RALGPS1: variants seen among roughly 807,000 people sequenced by gnomAD.
RALGPS1 encodes the protein ras-specific guanine nucleotide-releasing factor RalGPS1.
In RALGPS1, 19 loss-of-function variants were observed where a neutral mutation model predicts 78.8. That is an observed-to-expected ratio of 0.24 (90% confidence interval 0.17 to 0.35). The LOEUF is 0.35. RALGPS1 is among the 10% of genes least tolerant of loss of function. The pLI, the probability that RALGPS1 is intolerant of heterozygous loss-of-function variation, is 1.00. For synonymous variants in RALGPS1, 228 were observed against 256.3 expected (o/e 0.89, Z 1.06); for missense variants, 454 against 688.3 (o/e 0.66, Z 3.81).
intron 4 of RALGPS1, among the ~76,000 whole-genome samples, chr9:127,014,175 C>A (rs2044609620): frequency 1.3e-5 from 2 of 152,202 alleles, no homozygotes; most frequent in South Asian, 4.1e-4. Context: ...CATGGTCTTG[C>A]TTCCAGCCTT....
chr9:127,128,003 C>A (rs2056746580), intron 8 of RALGPS1, among the ~76,000 whole-genome samples: 1 of 151,876 alleles, frequency 6.6e-6, no homozygotes. Flanking sequence ...TTAGGTATTT[C>A]TCCTAATGCT....
intron 1 of RALGPS1, among the ~76,000 whole-genome samples, chr9:126,926,129 TG>T (rs1311516039): frequency 2.0e-5 from 3 of 152,266 alleles, no homozygotes; most frequent in Non-Finnish European, 4.4e-5. Context: ...ATATAGCAGT[TG>T]GCCTTATTTT....
chr9:127,003,291 C>T (rs1189837729), intron 4 of RALGPS1, among the ~76,000 whole-genome samples: 11 of 151,954 alleles, frequency 7.2e-5, no homozygotes, highest in Non-Finnish European at 1.3e-4. Flanking sequence ...AGAAAATTTT[C>T]GCAACCTACT....
At chr9:127,217,450 A>C in intron 18 of RALGPS1, 1 of 986,724 alleles carries the variant, frequency 1.0e-6, no homozygotes, top group Non-Finnish European at 1.2e-6. Context: ...ATTCACAAGG[A>C]AACATCGCAG....
intron 14 of RALGPS1, among the ~76,000 whole-genome samples, chr9:127,209,296 T>C (rs2062105954): frequency 1.3e-5 from 2 of 152,236 alleles, no homozygotes; most frequent in South Asian, 4.1e-4. Flanking sequence ...GTGCACTCAC[T>C]TGCGAGGTGC....
chr9:126,924,928 C>A (rs1046211520), intron 1 of RALGPS1, among the ~76,000 whole-genome samples: 2 of 152,034 alleles, frequency 1.3e-5, no homozygotes, highest in African/African-American at 4.8e-5. Context: ...GAGTTCAAGA[C>A]TAGCCTGACC....
intron 3 of RALGPS1, 96 bp downstream of exon 3, chr9:126,966,047 T>G: frequency 1.2e-6 from 1 of 861,368 alleles, no homozygotes; most frequent in Non-Finnish European, 2.0e-6. Flanking sequence ...GGAAACATTC[T>G]ATATGCCCAG....
intron 5 of RALGPS1, among the ~76,000 whole-genome samples, chr9:127,038,204 T>G (rs947156256): frequency 3.9e-4 from 59 of 152,202 alleles, no homozygotes; most frequent in African/African-American, 1.4e-3. Flanking sequence ...TTTAAAAACA[T>G]TTATTGAGCA....
chr9:127,157,258 T>C (rs1443769519), intron 8 of RALGPS1, among the ~76,000 whole-genome samples: 1 of 152,106 alleles, frequency 6.6e-6, no homozygotes, highest in Non-Finnish European at 1.5e-5. Context: ...CCTTGCAATG[T>C]TGTGTCTTCC....
intron 1 of RALGPS1, among the ~76,000 whole-genome samples, chr9:126,939,021 C>T (rs927708299): frequency 6.6e-6 from 1 of 152,158 alleles, no homozygotes; most frequent in Non-Finnish European, 1.5e-5. Flanking sequence ...ATCCACAAAT[C>T]TCTCCTTCCT....
At chr9:127,052,376 AG>A (rs2048366541) in intron 6 of RALGPS1, among the ~76,000 whole-genome samples, 1 of 152,362 alleles carries the variant, frequency 6.6e-6, no homozygotes, top group Admixed American at 6.5e-5. Context: ...TCTGGTTCAA[AG>A]GAACATGGTC....
intron 4 of RALGPS1, among the ~76,000 whole-genome samples, chr9:127,001,086 TACAAAACAAAACAAA>T (rs60748253): frequency 0.069 from 9,540 of 137,656 alleles, 1,007 homozygotes; most frequent in African/African-American, 0.23. Flanking sequence ...ACTCTGTCTC[TACAAAACAAAACAAA>T]ACAAAACAAA....
At chr9:127,006,955 AAG>A (rs1301342767) in intron 4 of RALGPS1, among the ~76,000 whole-genome samples, 12 of 151,988 alleles carry the variant, frequency 7.9e-5, no homozygotes, top group African/African-American at 4.8e-5. Flanking sequence ...GAGAGAGAGA[AAG>A]AGAGGAGGGG....
intron 1 of RALGPS1, among the ~76,000 whole-genome samples, chr9:126,942,555 G>A (rs1028121655): frequency 2.0e-5 from 3 of 152,168 alleles, no homozygotes; most frequent in African/African-American, 7.2e-5. Context: ...GTTCTGGACT[G>A]TGTCTTGTCC....
intron 3 of RALGPS1, among the ~76,000 whole-genome samples, chr9:126,970,128 G>A (rs769632114): frequency 2.0e-5 from 3 of 152,026 alleles, no homozygotes; most frequent in South Asian, 2.1e-4. Flanking sequence ...CTCTTAATCC[G>A]TATTCCCCCA....
chr9:127,175,677 CTTTTTTTTTTTTTT>C (rs11354346), intron 11 of RALGPS1, among the ~76,000 whole-genome samples: 3 of 108,982 alleles, frequency 2.8e-5, no homozygotes, highest in East Asian at 2.4e-4. Flanking sequence ...TTTGGGCCTC[CTTTTTTTTTTTTTT>C]TTTTTTTTTT....
chr9:127,026,702 G>C (rs1403667672), intron 4 of RALGPS1, among the ~76,000 whole-genome samples: 2 of 152,062 alleles, frequency 1.3e-5, no homozygotes, highest in East Asian at 1.9e-4. Flanking sequence ...CATATGCCTG[G>C]TGGCTTGTAG....
At chr9:127,116,546 C>T (rs148939606) in intron 8 of RALGPS1, among the ~76,000 whole-genome samples, 4 of 152,224 alleles carry the variant, frequency 2.6e-5, no homozygotes, top group Non-Finnish European at 5.9e-5. Flanking sequence ...GCTGCATTTC[C>T]GGCAGTGCCT....
At position 127,218,037 on chromosome 9, in the gene RALGPS1, TA is replaced by T. The variant is rs1021144302; in HGVS notation, c.1645-702del. ...GGAGATGCATTTTTTTCCTAATTCA[TA>T]GTTTGACCAAACTGACACCAAAATG... On this transcript the variant is annotated intron_variant, in intron 18 of 18. Coordinates refer to ENST00000259351, the MANE Select transcript of RALGPS1 (RefSeq NM_014636.3). This position sits in a 1 kb window ranked among gnomAD's most constrained non-coding sequence, Gnocchi z 4.4. Among the ~76,000 whole-genome samples the T allele has an allele frequency of 6.6e-6, 1 of 152,228 alleles. No homozygotes were observed. Among genetic ancestry groups the T allele is most frequent in the Non-Finnish European group, 1.5e-5 (1 of 68,042 alleles).
Sources: allele counts gnomAD v4.1 joint callset (sites outside exome capture counted in the v4.1 genomes callset), GRCh38; gene constraint gnomAD v4.1.1; non-coding constraint Gnocchi (gnomAD v3.1); transcripts MANE v1.5; gene names NCBI Gene and HGNC (gene_info 2026-07-23, HGNC 2026-07-21).